Variants in SHARPIN observed in about 807,000 individuals in gnomAD.
SHARPIN encodes SHANK associated RH domain interactor.
SHARPIN carries 25 observed loss-of-function variants against 40.3 expected under a neutral mutation model. That is an observed-to-expected ratio of 0.62 (90% confidence interval 0.45 to 0.87). The LOEUF is 0.87. Ranked by LOEUF, SHARPIN falls within the 40% of genes least tolerant of loss-of-function variation. The pLI, the probability that SHARPIN is intolerant of heterozygous loss-of-function variation, is 0.00. For missense variants in SHARPIN, 551 were observed against 516.1 expected (o/e 1.07, Z -0.66); for synonymous variants, 274 against 221.8 (o/e 1.24, Z -2.09).
Position 144,103,667 on chromosome 8 carries a change from C to T in SHARPIN, c.87G>A (p.Arg29=). 8 of 1,520,842 alleles carry T rather than the reference C, an allele frequency of 5.3e-6. No homozygotes were observed. Among genetic ancestry groups the T allele is most frequent in the Non-Finnish European group, 7.0e-6 (8 of 1,140,688 alleles). 94.2% of individuals were successfully genotyped at this position (1,520,842 alleles called of 1,614,324 possible). Residue 29 remains arginine (R), a synonymous_variant, in exon 1 of 9, where the codon AGG becomes AGA. Transcript: ENST00000398712. ...CGGCGTCTGGCCCGGCGCCCAGCGG[C>T]CTCACCGCGGCGTGCACAGCCAAGA... ...AVLLAVHAAV[R]PLGAGPDAEA...
intron 2 of SHARPIN, among the ~76,000 whole-genome samples, chr8:144,102,150 AG>A (rs1413012688): frequency 1.3e-5 from 2 of 152,326 alleles, no homozygotes; most frequent in Admixed American, 1.3e-4. Flanking sequence ...GGATCACCGT[AG>A]ACCAGGAGTT....
rs982657639 is a variant in SHARPIN at position 144,103,700 on chromosome 8, G to A, written c.54C>T (p.Ala18=). ...AAAAASDLGS[A]AVLLAVHAAV... ...CGGCGTGCACAGCCAAGAGCACTGC[G>A]GCGGAGCCCAAGTCCGAGGCCGCCG... is the stretch of plus-strand genomic sequence containing the variant. Residue 18 remains alanine, a synonymous_variant, in exon 1 of 9, where the codon GCC becomes GCT. Transcript: ENST00000398712. 20 of 1,479,422 alleles carry A rather than the reference G, an allele frequency of 1.4e-5. No individual in the cohort carries two copies. The highest frequency in any genetic ancestry group is 1.5e-5 in the Non-Finnish European group (17 of 1,122,222). The allele number at this position is 1,479,422 out of a possible 1,614,324, so 91.6% of individuals were successfully genotyped here. A position where few individuals can be genotyped will look rare whatever the true frequency, so the allele number is the denominator to read the frequency against.
rs35333153 is a variant in SHARPIN at position 144,100,840 on chromosome 8, C to CTT, written c.377-773_377-772dup. 402 of 144,432 alleles carry CTT rather than the reference C, an allele frequency of 2.8e-3. 8 individuals are homozygous for CTT. In the South Asian group the frequency reaches 0.037, roughly 13 times the overall value. 8.9% of individuals were successfully genotyped at this position (144,432 alleles called of 1,614,324 possible). On this transcript the variant is annotated intron_variant, in intron 2 of 8. Coordinates refer to ENST00000398712, the MANE Select transcript of SHARPIN (RefSeq NM_030974.4). ...CTCAATGAGGCCTTCCCTGCCACCA[C>CTT]TTTTTTTTTTTTTTGAGACGGAGTT...
rs768870232 is a variant in SHARPIN at position 144,099,401 on chromosome 8, G to A, written c.798C>T (p.Ala266=). The A allele has an allele frequency of 1.1e-5, 18 of 1,613,068 alleles. 1 individual carries two copies. The highest frequency in any genetic ancestry group is 5.5e-5 in the South Asian group (5 of 91,014). Residue 266 remains alanine, a synonymous_variant, in exon 6 of 9, where the codon GCC becomes GCT. Transcript: ENST00000398712. The part of the protein sequence containing the change: ...QVFSELGFPP[A]VQRWVIGRCL... ...ACCGTCCGATGACCCAGCGTTGCAC[G>A]GCTGGCGGGAAACCGAGCTCTGAGA...
At chr8:144,102,092 CA>C (rs1225173726) in intron 2 of SHARPIN, among the ~76,000 whole-genome samples, 2 of 152,114 alleles carry the variant, frequency 1.3e-5, no homozygotes. Context: ...CCATGTGAGC[CA>C]GGGGCAGTGG....
chr8:144,100,044 G>C lies in SHARPIN; in HGVS notation c.402C>G (p.Ala134=). The C allele has an allele frequency of 6.3e-7, 1 of 1,585,538 alleles. No individual in the cohort carries two copies. The highest frequency in any genetic ancestry group is 8.6e-7 in the Non-Finnish European group (1 of 1,165,774). Residue 134 remains alanine (A), a synonymous_variant, in exon 3 of 9, where the codon GCC becomes GCG. Transcript: ENST00000398712. ...QNGSKSNSPP[A]LGPEACPVSL... ...AGACAGGGCATGCTTCTGGGCCCAA[G>C]GCTGGTGGTGAGTTGCTCTTGCTGC...
chr8:144,103,682 C>A lies in SHARPIN; in HGVS notation c.72G>T (p.Val24=), dbSNP rs1377175912. The part of the protein sequence containing the change: ...DLGSAAVLLA[V]HAAVRPLGAG... ...CGCCCAGCGGCCTCACCGCGGCGTGCACAGCCAAGAGCACTGCGGCGGAGC... is the reference window on the plus strand; with the variant it reads ...CGCCCAGCGGCCTCACCGCGGCGTGAACAGCCAAGAGCACTGCGGCGGAGC... Residue 24 remains valine (V), a synonymous_variant, in exon 1 of 9, where the codon GTG becomes GTT. Coordinates refer to ENST00000398712, the MANE Select transcript of SHARPIN (RefSeq NM_030974.4). 6.6e-7 allele frequency: 1 copy of A among 1,520,432 alleles called. No homozygotes were observed. Among genetic ancestry groups the A allele is most frequent in the East Asian group, 2.5e-5 (1 of 39,608 alleles). The allele number at this position is 1,520,432 out of a possible 1,614,324, so 94.2% of individuals were successfully genotyped here. A position where few individuals can be genotyped will look rare whatever the true frequency, so the allele number is the denominator to read the frequency against.
At position 144,099,440 on chromosome 8, in the gene SHARPIN, G is replaced by C. The variant is rs531973806; in HGVS notation, c.769-10C>G. 32 of 1,610,040 alleles carry C rather than the reference G, an allele frequency of 2.0e-5. No individual in the cohort carries two copies. The highest frequency in any genetic ancestry group is 2.5e-5 in the Non-Finnish European group (30 of 1,177,890). On this transcript the variant is annotated splice_polypyrimidine_tract_variant and intron_variant, in intron 5 of 8. Transcript: ENST00000398712. ...CGAGCTCTGAGAACACCTGTGGCCA[G>C]AGCATCAGGGCAGGTGATGTCACCT...
In SHARPIN at chr8:144,103,773, C is replaced by A; in HGVS notation, c.-20G>T. On this transcript the variant is annotated 5_prime_UTR_variant, in exon 1 of 9. Transcript: ENST00000398712. Reference sequence around the variant, plus strand: ...CGCCATCTCCGGTCCGGCCGGGTCCCACCCCTCCGAGCGCGCTTCCGTGGG... The same window carrying A: ...CGCCATCTCCGGTCCGGCCGGGTCCAACCCCTCCGAGCGCGCTTCCGTGGG... The A allele has an allele frequency of 1.5e-6, 2 of 1,352,202 alleles. No homozygotes were observed. The highest frequency in any genetic ancestry group is 3.6e-5 in the South Asian group (2 of 54,840). 83.8% of individuals were successfully genotyped at this position (1,352,202 alleles called of 1,614,324 possible).
chr8:144,100,599 A>C (rs1400494617), intron 2 of SHARPIN: 1 of 153,650 alleles, frequency 6.5e-6, no homozygotes, highest in Non-Finnish European at 1.5e-5. Flanking sequence ...CAGTGCTGAC[A>C]CAGCTCCCGT....
rs1199162495 is a variant in SHARPIN at position 144,099,603 on chromosome 8, A to G, written c.675T>C (p.Leu225=). The change falls in exon 5 of 9, where the codon CTT becomes CTC. Residue 225 remains leucine, a synonymous_variant. Transcript: ENST00000398712. ...CGGATGCGGCAGAGGCAGCGTCTTC[A>G]AGTGTGACCTGCAGCCTGTGCCAGA... is the stretch of plus-strand genomic sequence containing the variant. The part of the protein sequence containing the change: ...PPGPIRLQVT[L]EDAASAASAA... 1 of 1,613,886 alleles carries G rather than the reference A, an allele frequency of 6.2e-7. No homozygotes were observed. Among genetic ancestry groups the G allele is most frequent in the African/African-American group, 1.3e-5 (1 of 74,920 alleles).
rs12549149 is a variant in SHARPIN, at chr8:144,103,543, C to A, written c.201+10G>T. ...AGAGGACTGACCGCGCGCCCTCCGC[C>A]CCCACTCACCGCCCCAGGTCCCGCG... On this transcript the variant is annotated intron_variant, in intron 1 of 8. Coordinates refer to ENST00000398712, the MANE Select transcript of SHARPIN (RefSeq NM_030974.4). The A allele has an allele frequency of 2.0e-6, 3 of 1,531,278 alleles. No homozygotes were observed. The highest frequency in any genetic ancestry group is 2.2e-4 in the Middle Eastern group (1 of 4,528). 94.9% of individuals were successfully genotyped at this position (1,531,278 alleles called of 1,614,324 possible).
At chr8:144,102,489 G>A (rs1035689440) in intron 2 of SHARPIN, among the ~76,000 whole-genome samples, 2 of 152,030 alleles carry the variant, frequency 1.3e-5, no homozygotes, top group African/African-American at 4.8e-5. Flanking sequence ...GACCAGGCTG[G>A]TCTCAAACTC....
At chr8:144,103,339 G>A (rs1213771617) in intron 1 of SHARPIN, 114 bp from the exon 2 acceptor site, 9 of 1,251,258 alleles carry the variant, frequency 7.2e-6, no homozygotes, top group African/African-American at 6.0e-5. Context: ...AGCCCTGTAC[G>A]CCTATCATCA....
At chr8:144,100,215 G>T in intron 2 of SHARPIN, 146 bp from the exon 3 acceptor site, 1 of 1,000,658 alleles carries the variant, frequency 1.0e-6, no homozygotes, top group Non-Finnish European at 1.4e-6. Context: ...CCTTCTCCCA[G>T]CCTTGGCTCT....
At position 144,103,728 on chromosome 8, in the gene SHARPIN, G is replaced by GCCGCC; in HGVS notation, c.21_25dup (p.Ala9GlyfsTer22). On this transcript the variant is annotated frameshift_variant, in exon 1 of 9. Transcript: ENST00000398712. LOFTEE classifies it high-confidence loss of function. ...GGAGCCCAAGTCCGAGGCCGCCGCCGCCGCCCCGCCCGCTGGCGGCGCCAT... is the reference window on the plus strand; with the variant it reads ...GGAGCCCAAGTCCGAGGCCGCCGCCGCCGCCCCGCCCCGCCCGCTGGCGGCGCCAT... The GCCGCC allele has an allele frequency of 4.3e-6, 6 of 1,391,444 alleles. No individual in the cohort carries two copies. The highest frequency in any genetic ancestry group is 4.6e-6 in the Non-Finnish European group (5 of 1,079,056). The allele number at this position is 1,391,444 out of a possible 1,614,324, so 86.2% of individuals were successfully genotyped here. A position where few individuals can be genotyped will look rare whatever the true frequency, so the allele number is the denominator to read the frequency against.
At position 144,103,187 on chromosome 8, in the gene SHARPIN, G is replaced by A. The variant is rs1836324531; in HGVS notation, c.240C>T (p.Thr80=). 6.2e-7 allele frequency: 1 copy of A among 1,613,046 alleles called. No individual in the cohort carries two copies. The highest frequency in any genetic ancestry group is 8.5e-7 in the Non-Finnish European group (1 of 1,179,768). ...GCTCGTGCTGGGTGGGGCCTCGGAT[G>A]GTGTAGGAAACTGACTCCAGGGGCC... The part of the protein sequence containing the change: ...LEWPLESVSY[T]IRGPTQHELQ... The change falls in exon 2 of 9, where the codon ACC becomes ACT. Residue 80 remains threonine, a synonymous_variant. Coordinates refer to ENST00000398712, the MANE Select transcript of SHARPIN (RefSeq NM_030974.4).
chr8:144,102,949 C>A, intron 2 of SHARPIN, 102 bp downstream of exon 2: 1 of 1,449,444 alleles, frequency 6.9e-7, no homozygotes, highest in South Asian at 1.2e-5. Context: ...GGAAGCCTTC[C>A]CAGACATCCA....
chr8:144,100,771 C>A lies in SHARPIN; in HGVS notation c.377-702G>T. ...AGGGTTTGTTTGCTGCTTCCTTGGT[C>A]ACATGGTTCATGCCATGACCTTCAA... On this transcript the variant is annotated intron_variant, in intron 2 of 8. Transcript: ENST00000398712. 4 of 152,870 alleles carry A rather than the reference C, an allele frequency of 2.6e-5. No homozygotes were observed. In the South Asian group the frequency reaches 7.5e-4, roughly 28 times the overall value. The allele number at this position is 152,870 out of a possible 1,614,324, so 9.5% of individuals were successfully genotyped here. A position where few individuals can be genotyped will look rare whatever the true frequency, so the allele number is the denominator to read the frequency against.
Sources: gnomAD v4.1 joint callset for allele counts (sites outside exome capture counted in the v4.1 genomes callset) on GRCh38, gnomAD v4.1.1 for gene constraint, MANE v1.5 for transcripts, NCBI Gene and HGNC (gene_info 2026-07-23, HGNC 2026-07-21) for gene names.